VTI1A: variants seen among roughly 807,000 people sequenced by gnomAD.
VTI1A encodes the protein vesicle transport through interaction with t-SNAREs 1A, also known as vesicle transport through interaction with t-SNAREs homolog 1A.
In VTI1A, 22 loss-of-function variants were observed where a neutral mutation model predicts 34.9. The observed-to-expected ratio is 0.63, with a 90% CI of 0.45 to 0.90. The LOEUF (loss-of-function observed/expected upper bound fraction) is 0.90, where lower values mean the gene tolerates loss of function less well. Among genes scored for constraint, VTI1A ranks in the 40% least tolerant of loss-of-function variants. VTI1A has a pLI of 0.00. For synonymous variants in VTI1A, 87 were observed against 97.3 expected (o/e 0.89, Z 0.62); for missense variants, 268 against 275.6 (o/e 0.97, Z 0.20).
intron 5 of VTI1A, among the ~76,000 whole-genome samples, chr10:112,596,076 A>G (rs1318964182): frequency 2.0e-5 from 3 of 150,940 alleles, no homozygotes; most frequent in African/African-American, 7.3e-5. Context: ...AAAACCAAAC[A>G]CTGCATTTTC....
At chr10:112,726,488 C>T (rs1850032036) in intron 7 of VTI1A, among the ~76,000 whole-genome samples, 1 of 152,148 alleles carries the variant, frequency 6.6e-6, no homozygotes. Context: ...AGTCCTGGCC[C>T]CAGACCCAGG....
chr10:112,853,680 G>A, the VTI1A span, among the ~76,000 whole-genome samples: 2,148 of 152,224 alleles, frequency 0.014, 19 homozygotes, highest in Middle Eastern at 0.017. Flanking sequence ...AGATGGGTGA[G>A]CAGTGTTTTA....
intron 1 of VTI1A, among the ~76,000 whole-genome samples, chr10:112,455,501 T>C (rs1394489932): frequency 1.5e-5 from 1 of 68,908 alleles, no homozygotes; most frequent in Non-Finnish European, 2.7e-5. Context: ...CCTCCTTCTC[T>C]CCTTCCTTTG....
At chr10:112,535,266 AAC>A (rs1425023378) in intron 4 of VTI1A, among the ~76,000 whole-genome samples, 1 of 152,198 alleles carries the variant, frequency 6.6e-6, no homozygotes, top group African/African-American at 2.4e-5. Flanking sequence ...ATATTCTTTT[AAC>A]AGTCTTTGAT....
intron 4 of VTI1A, among the ~76,000 whole-genome samples, chr10:112,530,454 G>C (rs1220530849): frequency 6.6e-6 from 1 of 152,120 alleles, no homozygotes; most frequent in African/African-American, 2.4e-5. Context: ...ACAACTTATA[G>C]AATAAAATCA....
At chr10:112,625,677 C>G (rs1326056823) in intron 5 of VTI1A, among the ~76,000 whole-genome samples, 1 of 132,028 alleles carries the variant, frequency 7.6e-6, no homozygotes, top group Non-Finnish European at 1.6e-5. Flanking sequence ...CATATCTTCT[C>G]ACTCATAAGT....
chr10:112,820,488 G>A (rs186783415), downstream of VTI1A, among the ~76,000 whole-genome samples: 1 of 152,372 alleles, frequency 6.6e-6, no homozygotes, highest in East Asian at 1.9e-4. Context: ...ACCTGCCAGA[G>A]GCTGGCCACA....
At chr10:112,764,358 A>C (rs1044820098) in intron 7 of VTI1A, among the ~76,000 whole-genome samples, 1 of 152,176 alleles carries the variant, frequency 6.6e-6, no homozygotes, top group African/African-American at 2.4e-5. Context: ...GTTAACCCAA[A>C]ACAGTGAATA....
At chr10:112,792,370 G>A (rs949279923) in intron 7 of VTI1A, among the ~76,000 whole-genome samples, 21 of 152,126 alleles carry the variant, frequency 1.4e-4, no homozygotes, top group African/African-American at 4.8e-4. Context: ...ATGCTTTGCA[G>A]ATCAGGAAAT....
rs191990587 is a variant in VTI1A at position 112,697,549 on chromosome 10, A to G, written c.560+28551A>G. On this transcript the variant is annotated intron_variant, in intron 7 of 7. Transcript: ENST00000393077. ...GTAGCTGGGATTACAGGCATGCACC[A>G]TCATGCCCAGCTAATTTTGTATTTT... Among the ~76,000 whole-genome samples the G allele has an allele frequency of 7.9e-5, 12 of 151,912 alleles. No homozygotes were observed. In the East Asian group the frequency reaches 2.3e-3, roughly 29 times the overall value.
At chr10:112,453,921 T>C (rs981192262) in intron 1 of VTI1A, among the ~76,000 whole-genome samples, 8 of 152,252 alleles carry the variant, frequency 5.3e-5, no homozygotes, top group African/African-American at 1.9e-4. Context: ...GCCATGTATA[T>C]GAACATATCT....
intron 7 of VTI1A, among the ~76,000 whole-genome samples, chr10:112,733,633 G>A (rs1850347921): frequency 6.6e-6 from 1 of 151,898 alleles, no homozygotes; most frequent in Non-Finnish European, 1.5e-5. Context: ...GAAACAGCTG[G>A]GTCCTCTCCC....
intron 3 of VTI1A, among the ~76,000 whole-genome samples, chr10:112,493,851 C>T (rs1458664997): frequency 6.6e-6 from 1 of 152,058 alleles, no homozygotes; most frequent in East Asian, 1.9e-4. Flanking sequence ...TTATATGTTG[C>T]TGTTTGGTTT....
intron 5 of VTI1A, among the ~76,000 whole-genome samples, chr10:112,616,799 T>A (rs2134543403): frequency 6.6e-6 from 1 of 152,258 alleles, no homozygotes; most frequent in Non-Finnish European, 1.5e-5. Flanking sequence ...AAAGCAGATC[T>A]GAGAAAGCTG....
the VTI1A span, among the ~76,000 whole-genome samples, chr10:112,843,057 G>A: frequency 6.6e-6 from 1 of 152,246 alleles, no homozygotes; most frequent in Non-Finnish European, 1.5e-5. Flanking sequence ...TCAACAGCTG[G>A]AAGCACCAGA....
intron 7 of VTI1A, among the ~76,000 whole-genome samples, chr10:112,770,776 G>A (rs1320176684): frequency 6.6e-6 from 1 of 151,996 alleles, no homozygotes; most frequent in Non-Finnish European, 1.5e-5. Context: ...TGCCATGTTT[G>A]TAGAAATATC....
At chr10:112,627,914 A>G (rs1845984777) in intron 5 of VTI1A, among the ~76,000 whole-genome samples, 2 of 152,164 alleles carry the variant, frequency 1.3e-5, no homozygotes, top group African/African-American at 4.8e-5. Flanking sequence ...GTTCTACTTG[A>G]CCTATGATGG....
At chr10:112,460,408 C>A in intron 1 of VTI1A, 116 bp from the exon 2 acceptor site, 1 of 892,970 alleles carries the variant, frequency 1.1e-6, no homozygotes, top group Non-Finnish European at 1.6e-6. Context: ...GCTCTTTTGC[C>A]TTATGTTCTG....
intron 5 of VTI1A, among the ~76,000 whole-genome samples, chr10:112,605,814 AC>A (rs1372430609): frequency 6.6e-6 from 1 of 152,136 alleles, no homozygotes; most frequent in African/African-American, 2.4e-5. Flanking sequence ...GGGAATTGGC[AC>A]ACACCCTGTC....
Sources: gnomAD v4.1 joint callset for allele counts (sites outside exome capture counted in the v4.1 genomes callset) on GRCh38, gnomAD v4.1.1 for gene constraint, MANE v1.5 for transcripts, NCBI Gene and HGNC (gene_info 2026-07-23, HGNC 2026-07-21) for gene names.